ETV3: variants seen among roughly 807,000 people sequenced by gnomAD.
The protein encoded by ETV3 is ETS variant transcription factor 3.
A neutral mutation model predicts 33.0 loss-of-function variants in ETV3; 8 were observed. That is an observed-to-expected ratio of 0.24 (90% CI 0.14 to 0.44). ETV3 has a LOEUF of 0.44. Ranked by LOEUF, ETV3 falls within the 20% of genes least tolerant of loss-of-function variation. The probability of loss-of-function intolerance (pLI) is 1.00; values close to 1 mark genes in which losing one functional copy is unlikely to be tolerated. For missense variants in ETV3, 473 were observed against 652.3 expected (o/e 0.73, Z 2.99); for synonymous variants, 222 against 238.9 (o/e 0.93, Z 0.65).
Position 157,125,579 on chromosome 1 carries a change from G to A in ETV3, c.801C>T (p.Leu267=). The change falls in exon 5 of 5, where the codon CTC becomes CTT. Residue 267 remains leucine, a synonymous_variant. Coordinates refer to ENST00000368192, the MANE Select transcript of ETV3 (RefSeq NM_001145312.3). The surrounding 1 kb of genome is among the most constrained non-coding windows in gnomAD (Gnocchi z 4.0). The stretch of plus-strand genomic sequence containing the variant: ...AGGAGAAGATGGTGGGAGTCAGGGA[G>A]AGGGCTGGTGAAATGGGGACATTAA... ...GVLNVPISPA[L]SLTPTIFSYS... 1 of 1,551,880 alleles carries A rather than the reference G, an allele frequency of 6.4e-7. No individual in the cohort carries two copies. Among genetic ancestry groups the A allele is most frequent in the Non-Finnish European group, 8.7e-7 (1 of 1,147,026 alleles).
At chr1:157,128,049 A>C (rs1228444492) in intron 4 of ETV3, among the ~76,000 whole-genome samples, 1 of 152,210 alleles carries the variant, frequency 6.6e-6, no homozygotes, top group Non-Finnish European at 1.5e-5. Context: ...ACAAAATTTT[A>C]AGTATAGTGA....
intron 4 of ETV3, among the ~76,000 whole-genome samples, chr1:157,127,388 C>T (rs762468956): frequency 1.3e-5 from 2 of 152,224 alleles, no homozygotes; most frequent in Non-Finnish European, 2.9e-5. Context: ...CTATATTCCT[C>T]TAACAAATTC....
chr1:157,133,940 T>C, intron 4 of ETV3, 172 bp downstream of exon 4: 1 of 1,441,102 alleles, frequency 6.9e-7, no homozygotes, highest in Non-Finnish European at 9.0e-7. Context: ...GAATAGCCTA[T>C]AACTCTCCTT....
chr1:157,125,937 G>A lies in ETV3; in HGVS notation c.443C>T (p.Ser148Phe). ...GTCCAGAGGTGGGAAATGGAACCGG[G>A]AAGAGGCTGTTGGCACTGGTGGTGC... is the stretch of plus-strand genomic sequence containing the variant. ...QSAPPVPTAS[S>F]RFHFPPLDTH... Residue 148 changes from serine (S) to phenylalanine (F), a missense_variant, in exon 5 of 5, where the codon TCC becomes TTC. Around this residue, in one of 3 missense-constraint regions of ETV3, gnomAD observed 410 missense variants for 520.2 expected, o/e 0.79. Coordinates refer to ENST00000368192, the MANE Select transcript of ETV3 (RefSeq NM_001145312.3). This position sits in a 1 kb window ranked among gnomAD's most constrained non-coding sequence, Gnocchi z 4.0. The A allele has an allele frequency of 6.4e-7, 1 of 1,551,652 alleles. No homozygotes were observed. The highest frequency in any genetic ancestry group is 8.7e-7 in the Non-Finnish European group (1 of 1,146,974).
chr1:157,136,080 G>A (rs1483729822), intron 2 of ETV3, among the ~76,000 whole-genome samples: 2 of 152,234 alleles, frequency 1.3e-5, no homozygotes, highest in African/African-American at 4.8e-5. Flanking sequence ...GGTTGGAACT[G>A]TGTCTCTGAC....
At chr1:157,135,785 C>T (rs1209098208) in intron 2 of ETV3, 77 bp from the exon 3 acceptor site, 111 of 1,391,850 alleles carry the variant, frequency 8.0e-5, no homozygotes, top group Non-Finnish European at 1.1e-4. Flanking sequence ...CTGCACATTC[C>T]ACTGCTCAGA....
At chr1:157,134,308 C>T in intron 3 of ETV3, 81 bp from the exon 4 acceptor site, 4 of 1,529,494 alleles carry the variant, frequency 2.6e-6, no homozygotes, top group Non-Finnish European at 3.5e-6. Context: ...CTGAGACCAA[C>T]AATTCTTGCT....
intron 2 of ETV3, among the ~76,000 whole-genome samples, chr1:157,135,918 T>C (rs1357104998): frequency 1.3e-5 from 2 of 152,202 alleles, no homozygotes; most frequent in African/African-American, 4.8e-5. Flanking sequence ...TGATAAGAGT[T>C]GGGCAGCAGC....
At chr1:157,137,915 G>T (rs192418500) in intron 1 of ETV3, among the ~76,000 whole-genome samples, 5 of 152,248 alleles carry the variant, frequency 3.3e-5, no homozygotes, top group South Asian at 2.1e-4. Flanking sequence ...AGGGCCACTC[G>T]TCTCAACTCT....
chr1:157,128,509 C>T (rs1674894884), intron 4 of ETV3: 1 of 272,466 alleles, frequency 3.7e-6, no homozygotes, highest in Non-Finnish European at 7.5e-6. Context: ...TTCTCTTACA[C>T]AGATGCCAAT....
intron 4 of ETV3, among the ~76,000 whole-genome samples, chr1:157,126,983 G>T (rs1310857257): frequency 6.6e-6 from 1 of 151,216 alleles, no homozygotes; most frequent in Non-Finnish European, 1.5e-5. Flanking sequence ...GGACAGAGCT[G>T]CCCTGGCTGA....
At chr1:157,131,481 G>GT (rs768759142) in intron 4 of ETV3, among the ~76,000 whole-genome samples, 1 of 152,086 alleles carries the variant, frequency 6.6e-6, no homozygotes, top group Non-Finnish European at 1.5e-5. Flanking sequence ...CTGCTAAACT[G>GT]TAAGTTCCGT....
rs1674820339 is a variant in ETV3, at chr1:157,125,720, A to G, written c.660T>C (p.Ile220=). The G allele has an allele frequency of 6.4e-7, 1 of 1,551,652 alleles. No homozygotes were observed. Among genetic ancestry groups the G allele is most frequent in the Non-Finnish European group, 8.7e-7 (1 of 1,146,980 alleles). Reference sequence around the variant, plus strand: ...TGTCAGGCTTGCGTTTCTGATGGCCAATCCCTCCTCCACCAATGGCATTCC... The same window carrying G: ...TGTCAGGCTTGCGTTTCTGATGGCCGATCCCTCCTCCACCAATGGCATTCC... ...SSRNAIGGGG[I]GHQKRKPDIM... Residue 220 remains isoleucine (I), a synonymous_variant, in exon 5 of 5, where the codon ATT becomes ATC. Transcript: ENST00000368192. This position sits in a 1 kb window ranked among gnomAD's most constrained non-coding sequence, Gnocchi z 4.0.
chr1:157,136,544 C>T (rs1021588763), intron 1 of ETV3, among the ~76,000 whole-genome samples, 179 bp from the exon 2 acceptor site: 1 of 152,154 alleles, frequency 6.6e-6, no homozygotes, highest in African/African-American at 2.4e-5. Context: ...AAATGATGGG[C>T]CTCAGGTCAT....
At chr1:157,136,461 C>T in intron 1 of ETV3, 96 bp from the exon 2 acceptor site, 2 of 1,127,638 alleles carry the variant, frequency 1.8e-6, no homozygotes, top group Middle Eastern at 2.0e-4. Context: ...TTCCTTTCCC[C>T]TGTTCTTCTT....
At chr1:157,127,542 C>CTTTTT (rs779661847) in intron 4 of ETV3, among the ~76,000 whole-genome samples, 1 of 133,564 alleles carries the variant, frequency 7.5e-6, no homozygotes. Context: ...CTTATGTCAA[C>CTTTTT]TTTTTTTTTT....
chr1:157,125,687 A>G lies in ETV3; in HGVS notation c.693T>C (p.Leu231=). 1 of 1,551,626 alleles carries G rather than the reference A, an allele frequency of 6.4e-7. No individual in the cohort carries two copies. Among genetic ancestry groups the G allele is most frequent in the Non-Finnish European group, 8.7e-7 (1 of 1,146,970 alleles). Residue 231 remains leucine, a synonymous_variant, in exon 5 of 5, where the codon CTT becomes CTC. Coordinates refer to ENST00000368192, the MANE Select transcript of ETV3 (RefSeq NM_001145312.3). The surrounding 1 kb of genome is among the most constrained non-coding windows in gnomAD (Gnocchi z 4.0). ...GHQKRKPDIM[L]PLFARPGMYP... is the part of the protein sequence containing the mutation. ...ACATCCCTGGCCTAGCAAACAGAGG[A>G]AGCATTATGTCAGGCTTGCGTTTCT...
intron 4 of ETV3, among the ~76,000 whole-genome samples, chr1:157,129,281 T>C (rs1282117993): frequency 6.6e-6 from 1 of 152,228 alleles, no homozygotes; most frequent in Non-Finnish European, 1.5e-5. Context: ...TCACATTTTA[T>C]AGGTGATCTA....
At position 157,134,105 on chromosome 1, in the gene ETV3, A is replaced by G. The variant is rs1224440644; in HGVS notation, c.400+7T>C. The G allele has an allele frequency of 3.7e-6, 6 of 1,611,406 alleles. No homozygotes were observed. The African/African-American group carries it at 8.0e-5, about 22-fold the overall frequency. On this transcript the variant is annotated splice_region_variant and intron_variant, in intron 4 of 4. Transcript: ENST00000368192. ...TTAATTCCCTACCAAAAGAGTTTGT[A>G]TCTTACCACTTGACCGAATGTTGAT...
Sources: gnomAD v4.1 joint callset for allele counts (sites outside exome capture counted in the v4.1 genomes callset) on GRCh38, gnomAD v4.1.1 for gene constraint, gnomAD v4.1.1 regional missense constraint, Gnocchi (gnomAD v3.1) non-coding constraint, MANE v1.5 for transcripts, NCBI Gene and HGNC (gene_info 2026-07-23, HGNC 2026-07-21) for gene names.